Variants in NKX6-3 observed in about 807,000 individuals in gnomAD.
NKX6-3 encodes NK6 homeobox 3.
NKX6-3 carries 17 observed loss-of-function variants against 22.0 expected under a neutral mutation model. That is an observed-to-expected ratio of 0.77 (90% CI 0.53 to 1.16). NKX6-3 has a LOEUF of 1.16. Among genes scored for constraint, NKX6-3 ranks in the 50% most tolerant of loss-of-function variants. The pLI is 0.00. For missense variants in NKX6-3, 363 were observed against 359.0 expected (o/e 1.01, Z -0.09); for synonymous variants, 177 against 167.2 (o/e 1.06, Z -0.45).
In NKX6-3 at chr8:41,646,447, C is replaced by T. The variant is rs1268000889; in HGVS notation, c.*2G>A. ...CAGGATCCCGGGCCTGGACGGCGGG[C>T]GTCAGACGCTGTGCGCTCCCAGGCT... On this transcript the variant is annotated 3_prime_UTR_variant, in exon 3 of 3. Coordinates refer to ENST00000518699, the MANE Select transcript of NKX6-3 (RefSeq NM_001364841.2). The T allele has an allele frequency of 1.6e-5, 25 of 1,591,104 alleles. No homozygotes were observed. The South Asian group carries it at 1.8e-4, about 12-fold the overall frequency.
intron 1 of NKX6-3, among the ~76,000 whole-genome samples, chr8:41,649,817 C>T (rs1304683551): frequency 2.0e-5 from 3 of 152,074 alleles, no homozygotes; most frequent in African/African-American, 4.8e-5. Context: ...GCAGGGCAGG[C>T]GTGGGCTGTG....
At chr8:41,647,190 G>T in intron 2 of NKX6-3, 1 of 1,612,608 alleles carries the variant, frequency 6.2e-7, no homozygotes, top group South Asian at 1.1e-5. Context: ...GGGCAGGAAC[G>T]CACCCCAGAA....
chr8:41,647,325 T>C, intron 2 of NKX6-3: 1 of 1,581,558 alleles, frequency 6.3e-7, no homozygotes, highest in Non-Finnish European at 8.6e-7. Flanking sequence ...GAGCAAAGCC[T>C]AGACCCAGGT....
intron 1 of NKX6-3, 52 bp from the exon 2 acceptor site, chr8:41,648,287 G>A (rs1804252381): frequency 3.4e-6 from 5 of 1,469,036 alleles, no homozygotes; most frequent in African/African-American, 1.4e-5. Context: ...GGACCCTGCG[G>A]CTAGGCACGT....
Position 41,646,312 on chromosome 8 carries a change from C to G in NKX6-3, c.*137G>C. 2 of 1,181,764 alleles carry G rather than the reference C, an allele frequency of 1.7e-6. No individual in the cohort carries two copies. The highest frequency in any genetic ancestry group is 1.4e-5 in the South Asian group (1 of 70,650). 73.2% of individuals were successfully genotyped at this position (1,181,764 alleles called of 1,614,324 possible). A position where few individuals can be genotyped will look rare whatever the true frequency, so the allele number is the denominator to read the frequency against. Reference sequence around the variant, plus strand: ...CTCCTCCTCCCCTGCACCTGCTGCTCCTCCTCCACGCGCCCCTCATCCAAA... The same window carrying G: ...CTCCTCCTCCCCTGCACCTGCTGCTGCTCCTCCACGCGCCCCTCATCCAAA... On this transcript the variant is annotated 3_prime_UTR_variant, in exon 3 of 3. Coordinates refer to ENST00000518699, the MANE Select transcript of NKX6-3 (RefSeq NM_001364841.2).
In NKX6-3 at chr8:41,645,972, C is replaced by T. The variant is rs575259655; in HGVS notation, c.*477G>A. ...CTGCAGCCAGCAGCTGGCTTGGGGC[C>T]CAAGACTCTGGACTTCTGACTCCCC... On this transcript the variant is annotated 3_prime_UTR_variant, in exon 3 of 3. Coordinates refer to ENST00000518699, the MANE Select transcript of NKX6-3 (RefSeq NM_001364841.2). 3.6e-5 allele frequency: 7 copies of T among 196,620 alleles called. No individual in the cohort carries two copies. In the South Asian group the frequency reaches 7.4e-4, roughly 21 times the overall value. 12.2% of individuals were successfully genotyped at this position (196,620 alleles called of 1,614,324 possible). A position where few individuals can be genotyped will look rare whatever the true frequency, so the allele number is the denominator to read the frequency against.
intron 2 of NKX6-3, among the ~76,000 whole-genome samples, chr8:41,647,024 TGCGCGGGTGGAAG>T (rs1370460870): frequency 1.4e-5 from 2 of 140,256 alleles, no homozygotes; most frequent in Admixed American, 7.2e-5. Context: ...AGATGCGGAG[TGCGCGGGTGGAAG>T]GCTTAGCCCC....
At chr8:41,648,282 C>T in intron 1 of NKX6-3, 47 bp from the exon 2 acceptor site, 1 of 1,483,666 alleles carries the variant, frequency 6.7e-7, no homozygotes, top group Non-Finnish European at 9.0e-7. Context: ...AGTGGGGACC[C>T]TGCGGCTAGG....
chr8:41,645,334 G>C lies in NKX6-3; in HGVS notation c.*1115C>G, dbSNP rs1476417185. ...ACCTGCCAGCAGCTCAGATCACCCGGGTGAAAAATACCACCCTGTTGGCCA... is the reference window on the plus strand; with the variant it reads ...ACCTGCCAGCAGCTCAGATCACCCGCGTGAAAAATACCACCCTGTTGGCCA... On this transcript the variant is annotated 3_prime_UTR_variant, in exon 3 of 3. Coordinates refer to ENST00000518699, the MANE Select transcript of NKX6-3 (RefSeq NM_001364841.2). The C allele has an allele frequency of 2.0e-5, 3 of 152,048 alleles. No individual in the cohort carries two copies. The allele number at this position is 152,048 out of a possible 1,614,324, so 9.4% of individuals were successfully genotyped here.
At position 41,648,088 on chromosome 8, in the gene NKX6-3, C is replaced by A; in HGVS notation, c.530G>T (p.Gly177Val). Reference sequence around the variant, plus strand: ...TACCTTGACCTGCGACTCGGTCATGCCCAGTGAGTATGCCAGCCGTGCCCT... The same window carrying A: ...TACCTTGACCTGCGACTCGGTCATGACCAGTGAGTATGCCAGCCGTGCCCT... Reference protein sequence around the residue: ...PERARLAYSLGMTESQVKVWF... With the variant: ...PERARLAYSLVMTESQVKVWF... Residue 177 changes from glycine to valine, a missense_variant, in exon 2 of 3, where the codon GGC becomes GTC. Transcript: ENST00000518699. 4 of 1,535,826 alleles carry A rather than the reference C, an allele frequency of 2.6e-6. No individual in the cohort carries two copies. Among genetic ancestry groups the A allele is most frequent in the Non-Finnish European group, 3.5e-6 (4 of 1,146,482 alleles).
At position 41,650,589 on chromosome 8, in the gene NKX6-3, G is replaced by A; in HGVS notation, c.-97C>T. ...TCTCATGGCAGGCCTGGAGGCTTAG[G>A]ACCGTCTCCGAGCTCCTGACTGCCT... On this transcript the variant is annotated 5_prime_UTR_variant, in exon 1 of 3. Coordinates refer to ENST00000518699, the MANE Select transcript of NKX6-3 (RefSeq NM_001364841.2). The A allele has an allele frequency of 8.7e-6, 11 of 1,260,026 alleles. No homozygotes were observed. The highest frequency in any genetic ancestry group is 1.1e-5 in the Non-Finnish European group (10 of 929,020). 78.1% of individuals were successfully genotyped at this position (1,260,026 alleles called of 1,614,324 possible).
Position 41,646,468 on chromosome 8 carries a change from A to G in NKX6-3, c.779T>C (p.Leu260Pro). 1 of 1,603,976 alleles carries G rather than the reference A, an allele frequency of 6.2e-7. No homozygotes were observed. The change falls in exon 3 of 3, where the codon CTG becomes CCG. Residue 260 changes from leucine (L) to proline (P), a missense_variant. Transcript: ENST00000518699. The stretch of plus-strand genomic sequence containing the variant: ...CGGGCGTCAGACGCTGTGCGCTCCC[A>G]GGCTGAGCACCGAGAAGGCGGCGCG... ...KHRAAFSVLSLGAHSV is the reference protein window; with the variant it reads ...KHRAAFSVLSPGAHSV
chr8:41,647,494 G>C (rs540598057), intron 2 of NKX6-3: 13 of 799,792 alleles, frequency 1.6e-5, no homozygotes, highest in Admixed American at 6.3e-5. Flanking sequence ...GGGAGAGCCT[G>C]GGCTCACCCT....
chr8:41,649,853 C>T (rs1285059157), intron 1 of NKX6-3, among the ~76,000 whole-genome samples: 1 of 152,074 alleles, frequency 6.6e-6, no homozygotes, highest in African/African-American at 2.4e-5. Flanking sequence ...CTGGAACTGC[C>T]GGGGGCCCTA....
intron 1 of NKX6-3, among the ~76,000 whole-genome samples, chr8:41,648,523 T>C (rs1804255988): frequency 6.6e-6 from 1 of 152,240 alleles, no homozygotes; most frequent in African/African-American, 2.4e-5. Context: ...TACTCGCTGA[T>C]GTTGCCTTCC....
intron 2 of NKX6-3, chr8:41,647,301 G>T (rs762766517): frequency 1.9e-6 from 3 of 1,597,820 alleles, no homozygotes; most frequent in Admixed American, 1.7e-5. Flanking sequence ...AGCTCGGGGA[G>T]GCCCCAGGGC....
At position 41,645,625 on chromosome 8, in the gene NKX6-3, C is replaced by A. The variant is rs1465835684; in HGVS notation, c.*824G>T. 6.6e-6 allele frequency: 1 copy of A among 152,214 alleles called. No homozygotes were observed. Among genetic ancestry groups the A allele is most frequent in the East Asian group, 1.9e-4 (1 of 5,176 alleles). 9.4% of individuals were successfully genotyped at this position (152,214 alleles called of 1,614,324 possible). A position where few individuals can be genotyped will look rare whatever the true frequency, so the allele number is the denominator to read the frequency against. Reference sequence around the variant, plus strand: ...CACCAAATGATGCCCAGGTGGGTGGCCCTTGGGCACACCGTCCCCGCCTCC... The same window carrying A: ...CACCAAATGATGCCCAGGTGGGTGGACCTTGGGCACACCGTCCCCGCCTCC... On this transcript the variant is annotated 3_prime_UTR_variant, in exon 3 of 3. Transcript: ENST00000518699.
At chr8:41,649,457 C>A (rs1334451158) in intron 1 of NKX6-3, among the ~76,000 whole-genome samples, 1 of 152,212 alleles carries the variant, frequency 6.6e-6, no homozygotes, top group Admixed American at 6.5e-5. Flanking sequence ...ACGGGCCCAC[C>A]CTCTGAAAAC....
rs992094393 is a variant in NKX6-3 at position 41,650,659 on chromosome 8, C to T, written c.-167G>A. ...AGGCCCTGGCCCAGGAACCGGCACCCGATCAGCTGCTCGGAAGTCAGGTGC... is the reference window on the plus strand; with the variant it reads ...AGGCCCTGGCCCAGGAACCGGCACCTGATCAGCTGCTCGGAAGTCAGGTGC... On this transcript the variant is annotated 5_prime_UTR_variant, in exon 1 of 3. Coordinates refer to ENST00000518699, the MANE Select transcript of NKX6-3 (RefSeq NM_001364841.2). 5 of 663,448 alleles carry T rather than the reference C, an allele frequency of 7.5e-6. No individual in the cohort carries two copies. The highest frequency in any genetic ancestry group is 1.2e-5 in the Non-Finnish European group (5 of 400,884). The allele number at this position is 663,448 out of a possible 1,614,324, so 41.1% of individuals were successfully genotyped here. A position where few individuals can be genotyped will look rare whatever the true frequency, so the allele number is the denominator to read the frequency against.
Sources: allele counts gnomAD v4.1 joint callset (sites outside exome capture counted in the v4.1 genomes callset), GRCh38; gene constraint gnomAD v4.1.1; transcripts MANE v1.5; gene names NCBI Gene and HGNC (gene_info 2026-07-23, HGNC 2026-07-21).